ODF2L: variants seen among roughly 807,000 people sequenced by gnomAD.
The protein encoded by ODF2L is protein BCAP.
In ODF2L, 76 loss-of-function variants were observed where a neutral mutation model predicts 86.3. The ratio of observed to expected loss-of-function variants is 0.88; its 90% CI spans 0.73 to 1.07. ODF2L has a LOEUF of 1.07. Among genes scored for constraint, ODF2L ranks in the 50% least tolerant of loss-of-function variants. ODF2L has a pLI of 0.00. For missense variants in ODF2L, 748 were observed against 717.4 expected, an observed-to-expected ratio of 1.04 and a Z score of -0.49; for synonymous variants, 241 against 231.3, an observed-to-expected ratio of 1.04 and a Z score of -0.38.
At chr1:86,382,530 A>T (rs1660660043) in intron 6 of ODF2L, among the ~76,000 whole-genome samples, 172 bp from the exon 7 acceptor site, 1 of 152,146 alleles carries the variant, frequency 6.6e-6, no homozygotes, top group South Asian at 2.1e-4. Context: ...ATGCCCAACC[A>T]GGGCTAAGTT....
intron 13 of ODF2L, among the ~76,000 whole-genome samples, chr1:86,357,278 T>C (rs953408767): frequency 6.6e-5 from 10 of 152,118 alleles, no homozygotes; most frequent in African/African-American, 2.4e-4. Context: ...GCCAGACTCT[T>C]TCCCTGAGAC....
intron 4 of ODF2L, among the ~76,000 whole-genome samples, chr1:86,383,853 G>A (rs1660754338): frequency 6.6e-6 from 1 of 151,630 alleles, no homozygotes; most frequent in Non-Finnish European, 1.5e-5. Flanking sequence ...TTCAATACAT[G>A]AGAAAATATT....
intron 11 of ODF2L, among the ~76,000 whole-genome samples, chr1:86,362,581 G>A (rs396856): frequency 0.024 from 3,577 of 152,200 alleles, 73 homozygotes; most frequent in Admixed American, 0.027. Context: ...ATGAGCCACC[G>A]TGCCCAGGCA....
chr1:86,379,683 G>T (rs1194285978), intron 7 of ODF2L, among the ~76,000 whole-genome samples: 1 of 152,132 alleles, frequency 6.6e-6, no homozygotes, highest in Admixed American at 6.5e-5. Context: ...ACTAGATTTA[G>T]GGGGCACGCC....
intron 7 of ODF2L, among the ~76,000 whole-genome samples, chr1:86,379,044 C>T (rs1660386972): frequency 6.6e-6 from 1 of 151,970 alleles, no homozygotes; most frequent in Non-Finnish European, 1.5e-5. Flanking sequence ...AAGTGTGCAG[C>T]ACCTCCCTAC....
chr1:86,384,791 G>C, exon 4 of ODF2L: 1 of 1,508,598 alleles, frequency 6.6e-7, no homozygotes, highest in Non-Finnish European at 8.8e-7. Context: ...ATTCAATGCA[G>C]AAAGATTCGC....
At chr1:86,367,844 C>A (rs531541097) in intron 11 of ODF2L, among the ~76,000 whole-genome samples, 139 of 152,280 alleles carry the variant, frequency 9.1e-4, no homozygotes, top group Middle Eastern at 3.4e-3. Flanking sequence ...CAGAAAATAT[C>A]CTTATTTTCC....
At chr1:86,351,399 T>C (rs989781656) in exon 18 of ODF2L, 2 of 152,276 alleles carry the variant, frequency 1.3e-5, no homozygotes, top group African/African-American at 4.8e-5. Flanking sequence ...CAGCAGATGG[T>C]TGTAGATGTG....
rs1053905188 is a variant in ODF2L, at chr1:86,357,867, T to C, written c.1359+920A>G. On this transcript the variant is annotated intron_variant, in intron 13 of 17. Transcript: ENST00000317336. ...TTGAACAGGATTGTAAAATATGCTT[T>C]TATTTACAGTGCTGCCTAGCAGAAA... The C allele has an allele frequency of 4.1e-6, 4 of 985,256 alleles. No homozygotes were observed. In the African/African-American group the frequency reaches 7.0e-5, roughly 17 times the overall value. 61.0% of individuals were successfully genotyped at this position (985,256 alleles called of 1,614,324 possible).
chr1:86,376,114 T>C, intron 8 of ODF2L, 119 bp downstream of exon 8: 2 of 500,814 alleles, frequency 4.0e-6, no homozygotes, highest in South Asian at 1.3e-4. Context: ...TGTAAGTTTT[T>C]TCTGGTATTA....
downstream of ODF2L, chr1:86,349,019 T>C: frequency 1.3e-6 from 1 of 777,808 alleles, no homozygotes; most frequent in Non-Finnish European, 1.8e-6. Flanking sequence ...TCTGATGTGT[T>C]CATTCTTAGA....
chr1:86,354,727 T>C, intron 15 of ODF2L, 35 bp from the exon 15 acceptor site: 1 of 1,557,114 alleles, frequency 6.4e-7, no homozygotes, highest in Non-Finnish European at 8.8e-7. Context: ...AAAATGTTAA[T>C]GTGCAGAGAA....
downstream of ODF2L, chr1:86,347,598 A>G (rs1319681183): frequency 6.6e-6 from 1 of 152,190 alleles, no homozygotes; most frequent in East Asian, 1.9e-4. Context: ...GAATGATATG[A>G]CAGTCTTAAA....
exon 17 of ODF2L, chr1:86,352,981 C>T: frequency 6.6e-7 from 1 of 1,508,938 alleles, no homozygotes; most frequent in South Asian, 1.2e-5. Context: ...ATTTCTTCAG[C>T]AACCTGTAAT....
exon 10 of ODF2L, chr1:86,371,076 T>C: frequency 6.4e-7 from 1 of 1,559,694 alleles, no homozygotes; most frequent in Non-Finnish European, 8.8e-7. Flanking sequence ...TGAGTGAACT[T>C]TTCTAAGAAT....
chr1:86,369,617 G>T (rs1197359481), intron 10 of ODF2L, among the ~76,000 whole-genome samples: 2 of 152,152 alleles, frequency 1.3e-5, no homozygotes, highest in African/African-American at 4.8e-5. Context: ...CCTACAAAGG[G>T]AAAGAATCTT....
intron 10 of ODF2L, among the ~76,000 whole-genome samples, chr1:86,369,301 T>G (rs765762072): frequency 1.2e-4 from 19 of 152,216 alleles, no homozygotes; most frequent in Non-Finnish European, 2.8e-4. Context: ...CACTGCAATT[T>G]TGATTTTTTA....
At chr1:86,369,704 A>C (rs1236822789) in intron 10 of ODF2L, among the ~76,000 whole-genome samples, 2 of 152,166 alleles carry the variant, frequency 1.3e-5, no homozygotes, top group African/African-American at 4.8e-5. Flanking sequence ...ACTGCATAAC[A>C]CTATGTATCT....
chr1:86,383,196 T>C, exon 5 of ODF2L: 7 of 1,539,944 alleles, frequency 4.5e-6, no homozygotes, highest in Non-Finnish European at 6.2e-6. Flanking sequence ...TTGTCTCCTG[T>C]CTGAGAAAAG....
Sources: gnomAD v4.1 joint callset for allele counts (sites outside exome capture counted in the v4.1 genomes callset) on GRCh38, gnomAD v4.1.1 for gene constraint, MANE v1.5 for transcripts, NCBI Gene and HGNC (gene_info 2026-07-23, HGNC 2026-07-21) for gene names.